The following FKBP15 variants were observed in gnomAD, a reference collection of about 807,000 sequenced individuals.
FKBP15 encodes the protein FK506-binding protein 15.
FKBP15 carries 106 observed loss-of-function variants against 158.1 expected under a neutral mutation model. That is an observed-to-expected ratio of 0.67 (90% CI 0.57 to 0.79). The LOEUF (loss-of-function observed/expected upper bound fraction) is 0.79, where lower values mean the gene tolerates loss of function less well. Among genes scored for constraint, FKBP15 ranks in the 30% least tolerant of loss-of-function variants. FKBP15 has a pLI of 0.00. For synonymous variants in FKBP15, 547 were observed against 548.6 expected (o/e 1.00, Z 0.04); for missense variants, 1,287 against 1,479.1 (o/e 0.87, Z 2.13).
chr9:113,206,709 A>T, intron 3 of FKBP15, 131 bp from the exon 4 acceptor site: 2 of 505,658 alleles, frequency 4.0e-6, no homozygotes, highest in Admixed American at 4.1e-5. Flanking sequence ...TGAGCGGTTT[A>T]AAATTTTTTT....
In FKBP15 at chr9:113,202,996, T is replaced by C; in HGVS notation, c.364A>G (p.Thr122Ala). The part of the protein sequence containing the change: ...LLYISQQQPV[T>A]VARIHVNFEL... ...AAGTTCACATGAATCCTAGCAACCG[T>C]AACTGGCTGTTGTTGACTGATATAA... The change falls in exon 5 of 28, where the codon ACG becomes GCG. Residue 122 changes from threonine (T) to alanine (A), a missense_variant. Coordinates refer to ENST00000238256, the MANE Select transcript of FKBP15 (RefSeq NM_015258.2). 6.2e-7 allele frequency: 1 copy of C among 1,612,946 alleles called. No individual in the cohort carries two copies. Among genetic ancestry groups the C allele is most frequent in the Non-Finnish European group, 8.5e-7 (1 of 1,179,552 alleles).
chr9:113,186,401 T>C, intron 14 of FKBP15, 38 bp from the exon 15 acceptor site: 2 of 1,368,486 alleles, frequency 1.5e-6, no homozygotes, highest in Non-Finnish European at 2.0e-6. Flanking sequence ...TGATAAAACA[T>C]TCATGTCTTT....
At chr9:113,220,917 T>C (rs1285690713) in intron 1 of FKBP15, among the ~76,000 whole-genome samples, 2 of 152,082 alleles carry the variant, frequency 1.3e-5, no homozygotes, top group Admixed American at 6.5e-5. Context: ...CAGCAATCAT[T>C]CCCATTTCAC....
chr9:113,168,504 G>C lies in FKBP15; in HGVS notation c.3538C>G (p.Leu1180Val). 1 of 1,613,992 alleles carries C rather than the reference G, an allele frequency of 6.2e-7. No homozygotes were observed. ...TCCTCAGGCTGTGCTTTGGGCCTCA[G>C]AGCTTTCAGAGTTGCCCCTTTAAAC... ...ELFKGATLKA[L>V]RPKAQPEEED... Residue 1180 changes from leucine (L) to valine (V), a missense_variant, in exon 27 of 28, where the codon CTG (leucine) becomes GTG (valine). Coordinates refer to ENST00000238256, the MANE Select transcript of FKBP15 (RefSeq NM_015258.2).
intron 6 of FKBP15, among the ~76,000 whole-genome samples, chr9:113,201,366 G>A (rs995392286): frequency 2.6e-5 from 4 of 152,144 alleles, no homozygotes; most frequent in Admixed American, 6.5e-5. Flanking sequence ...ATCATTTACT[G>A]CAGAGACAGA....
intron 25 of FKBP15, 93 bp from the exon 26 acceptor site, chr9:113,170,035 A>C: frequency 7.0e-7 from 1 of 1,428,658 alleles, no homozygotes; most frequent in South Asian, 1.5e-5. Flanking sequence ...AGTTTAAATG[A>C]CTTTGCTTCT....
rs1205725047 is a variant in FKBP15 at position 113,184,614 on chromosome 9, A to G, written c.1608+81T>C. The G allele has an allele frequency of 1.7e-6, 2 of 1,183,006 alleles. No individual in the cohort carries two copies. The highest frequency in any genetic ancestry group is 3.0e-5 in the African/African-American group (2 of 65,958). The allele number at this position is 1,183,006 out of a possible 1,614,324, so 73.3% of individuals were successfully genotyped here. On this transcript the variant is annotated intron_variant, in intron 16 of 27. Transcript: ENST00000238256. The surrounding 1 kb of genome is among the most constrained non-coding windows in gnomAD (Gnocchi z 4.5). ...CTCACTACTACCAATGCAGGAAATC[A>G]AAGAAGAGTTTACCTACAGTTCTGG...
At chr9:113,178,436 A>C (rs1830334662) in intron 20 of FKBP15, among the ~76,000 whole-genome samples, 194 bp downstream of exon 20, 1 of 152,226 alleles carries the variant, frequency 6.6e-6, no homozygotes, top group Non-Finnish European at 1.5e-5. Flanking sequence ...GATCAATTCC[A>C]CATGAATAGT....
intron 18 of FKBP15, 37 bp downstream of exon 18, chr9:113,183,714 T>G (rs1587957694): frequency 2.8e-6 from 4 of 1,411,306 alleles, no homozygotes; most frequent in Non-Finnish European, 4.0e-6. Context: ...AATAAACCCT[T>G]TTGTCCATCC....
At chr9:113,202,676 C>A (rs1245888954) in intron 5 of FKBP15, 47 bp from the exon 6 acceptor site, 2 of 1,432,846 alleles carry the variant, frequency 1.4e-6, no homozygotes, top group Non-Finnish European at 1.9e-6. Flanking sequence ...AGTATTATAC[C>A]AGATAAACAT....
Position 113,200,072 on chromosome 9 carries a change from T to A in FKBP15, c.499-109A>T, listed in dbSNP as rs992880310. The A allele has an allele frequency of 3.2e-6, 4 of 1,261,266 alleles. No individual in the cohort carries two copies. The East Asian group carries it at 1.0e-4, about 33-fold the overall frequency. 78.1% of individuals were successfully genotyped at this position (1,261,266 alleles called of 1,614,324 possible). On this transcript the variant is annotated intron_variant, in intron 6 of 27. Transcript: ENST00000238256. ...TAGCTTCATCCACTAACAAAACAGA[T>A]TACATGTTTAGAAGTAAACCAAACG...
intron 27 of FKBP15, among the ~76,000 whole-genome samples, chr9:113,167,691 G>A (rs1438208114): frequency 6.6e-6 from 1 of 152,154 alleles, no homozygotes; most frequent in Non-Finnish European, 1.5e-5. Context: ...TCCTTTAGAT[G>A]GACTGAGCCT....
chr9:113,172,516 A>G (rs1830232242), intron 23 of FKBP15, among the ~76,000 whole-genome samples: 1 of 152,134 alleles, frequency 6.6e-6, no homozygotes, highest in Non-Finnish European at 1.5e-5. Context: ...ATCTCTAAAC[A>G]TCAAGTCTTA....
In FKBP15 at chr9:113,165,323, G is replaced by A. The variant is rs548433790; in HGVS notation, c.*755C>T. ...GTCCTCACAGAACCATCATGCCCCA[G>A]GGATGAGCTAGGACTACAGTGGTGA... is the stretch of plus-strand genomic sequence containing the variant. On this transcript the variant is annotated 3_prime_UTR_variant, in exon 28 of 28. Coordinates refer to ENST00000238256, the MANE Select transcript of FKBP15 (RefSeq NM_015258.2). 1.3e-4 allele frequency: 20 copies of A among 152,328 alleles called. No individual in the cohort carries two copies. The highest frequency in any genetic ancestry group is 4.8e-4 in the African/African-American group (20 of 41,564). The allele number at this position is 152,328 out of a possible 1,614,324, so 9.4% of individuals were successfully genotyped here. A position where few individuals can be genotyped will look rare whatever the true frequency, so the allele number is the denominator to read the frequency against.
At chr9:113,169,175 C>T (rs1389073471) in intron 26 of FKBP15, 49 bp downstream of exon 26, 1 of 1,547,426 alleles carries the variant, frequency 6.5e-7, no homozygotes, top group South Asian at 1.3e-5. Flanking sequence ...CAGAGACACT[C>T]ACCACAGATA....
chr9:113,200,916 C>T (rs921096045), intron 6 of FKBP15, among the ~76,000 whole-genome samples: 16 of 151,662 alleles, frequency 1.1e-4, no homozygotes, highest in African/African-American at 3.6e-4. Context: ...TGGTGGTGTG[C>T]GCCTGTAGTC....
chr9:113,193,950 ATATCTC>A, intron 10 of FKBP15, 71 bp downstream of exon 10: 2 of 1,437,436 alleles, frequency 1.4e-6, no homozygotes, highest in Non-Finnish European at 1.8e-6. Flanking sequence ...GTTTTTAACT[ATATCTC>A]TATTTCTGAA....
At chr9:113,176,810 G>A in intron 20 of FKBP15, 137 bp from the exon 21 acceptor site, 1 of 919,584 alleles carries the variant, frequency 1.1e-6, no homozygotes, top group Non-Finnish European at 1.6e-6. Flanking sequence ...GTGCAGTGGT[G>A]TGATCATAGC....
At position 113,178,755 on chromosome 9, in the gene FKBP15, T is replaced by C. The variant is rs905230065; in HGVS notation, c.1961A>G (p.His654Arg). ...GTGAGCAGTCATTTTCAGCTGCAGATGAGAGACCTGTGCAGTGGCCGCTGC... is the reference window on the plus strand; with the variant it reads ...GTGAGCAGTCATTTTCAGCTGCAGACGAGAGACCTGTGCAGTGGCCGCTGC... Reference protein sequence around the residue: ...ELAAATAQVSHLQLKMTAHQK... With the variant: ...ELAAATAQVSRLQLKMTAHQK... Residue 654 changes from histidine to arginine, a missense_variant, in exon 20 of 28, where the codon CAT (histidine) becomes CGT (arginine). Coordinates refer to ENST00000238256, the MANE Select transcript of FKBP15 (RefSeq NM_015258.2). 1.2e-6 allele frequency: 2 copies of C among 1,609,744 alleles called. No individual in the cohort carries two copies. The highest frequency in any genetic ancestry group is 2.7e-5 in the African/African-American group (2 of 74,868).
Sources: gnomAD v4.1 joint callset for allele counts (sites outside exome capture counted in the v4.1 genomes callset) on GRCh38, gnomAD v4.1.1 for gene constraint, Gnocchi (gnomAD v3.1) non-coding constraint, MANE v1.5 for transcripts, NCBI Gene and HGNC (gene_info 2026-07-23, HGNC 2026-07-21) for gene names.